Variants in LRRC72 observed in about 807,000 individuals in gnomAD.
The protein encoded by LRRC72 is leucine-rich repeat-containing protein 72.
LRRC72 carries 41 observed loss-of-function variants against 35.8 expected under a neutral mutation model. The observed-to-expected ratio is 1.15, with a 90% CI of 0.89 to 1.49. LRRC72 has a LOEUF of 1.49. Among genes scored for constraint, LRRC72 ranks in the 40% most tolerant of loss-of-function variants. The pLI, the probability that LRRC72 is intolerant of heterozygous loss-of-function variation, is 0.00. For missense variants in LRRC72, 389 were observed against 330.7 expected, an observed-to-expected ratio of 1.18 and a Z score of -1.37; for synonymous variants, 118 against 119.2, an observed-to-expected ratio of 0.99 and a Z score of 0.07.
intron 5 of LRRC72, among the ~76,000 whole-genome samples, chr7:16,559,300 G>A (rs1159546063): frequency 3.3e-5 from 5 of 151,816 alleles, no homozygotes; most frequent in East Asian, 1.9e-4. Context: ...AGGCTGAGGC[G>A]GGAGGATCAC....
chr7:16,563,371 G>T (rs905850824), intron 5 of LRRC72, among the ~76,000 whole-genome samples: 3 of 151,850 alleles, frequency 2.0e-5, no homozygotes, highest in Admixed American at 6.6e-5. Context: ...GAGACATTTT[G>T]ATATATCATT....
intron 1 of LRRC72, among the ~76,000 whole-genome samples, chr7:16,527,578 G>A (rs1008229546): frequency 1.1e-4 from 17 of 151,996 alleles, no homozygotes; most frequent in African/African-American, 3.4e-4. Context: ...AGAGTCGAGA[G>A]CAGTTAAGAT....
At chr7:16,548,698 G>T (rs1214478121) in intron 3 of LRRC72, among the ~76,000 whole-genome samples, 2 of 152,204 alleles carry the variant, frequency 1.3e-5, no homozygotes, top group African/African-American at 4.8e-5. Flanking sequence ...GACAGGCATG[G>T]GATCCAAGCT....
At chr7:16,538,886 C>G (rs893220530) in intron 3 of LRRC72, among the ~76,000 whole-genome samples, 1 of 152,174 alleles carries the variant, frequency 6.6e-6, no homozygotes, top group Non-Finnish European at 1.5e-5. Context: ...TGAGGCCTCC[C>G]CAGCCATGTG....
chr7:16,536,809 T>C (rs1562737924), intron 2 of LRRC72: 1 of 152,192 alleles, frequency 6.6e-6, no homozygotes, highest in Non-Finnish European at 1.5e-5. Context: ...ATAATAAATA[T>C]TGATATTTTT....
chr7:16,576,017 G>GAA (rs1282753227), intron 7 of LRRC72, among the ~76,000 whole-genome samples: 1 of 152,240 alleles, frequency 6.6e-6, no homozygotes, highest in South Asian at 2.1e-4. Flanking sequence ...ATCAGGAGCA[G>GAA]AAAAGATAGG....
chr7:16,542,663 A>C (rs954769040), intron 3 of LRRC72, among the ~76,000 whole-genome samples: 1 of 152,346 alleles, frequency 6.6e-6, no homozygotes, highest in Non-Finnish European at 1.5e-5. Context: ...TCAGATATGC[A>C]TCTATCTCAG....
At chr7:16,570,310 T>C (rs1339068522) in intron 7 of LRRC72, among the ~76,000 whole-genome samples, 2 of 152,196 alleles carry the variant, frequency 1.3e-5, no homozygotes, top group Non-Finnish European at 2.9e-5. Flanking sequence ...TGGAATGCCC[T>C]TGAGACAGGT....
At chr7:16,561,293 C>T (rs1394157351) in intron 5 of LRRC72, among the ~76,000 whole-genome samples, 2 of 152,134 alleles carry the variant, frequency 1.3e-5, no homozygotes, top group African/African-American at 4.8e-5. Context: ...ACTTTAAAAA[C>T]TCTATAATTT....
intron 3 of LRRC72, among the ~76,000 whole-genome samples, chr7:16,550,701 A>G (rs2128336432): frequency 6.6e-6 from 1 of 152,348 alleles, no homozygotes; most frequent in East Asian, 1.9e-4. Flanking sequence ...CTCTTCTAGA[A>G]AATAGCTATT....
chr7:16,549,020 T>C (rs1419180624), intron 3 of LRRC72, among the ~76,000 whole-genome samples: 2 of 152,178 alleles, frequency 1.3e-5, no homozygotes, highest in Non-Finnish European at 2.9e-5. Flanking sequence ...GTCTGGCACA[T>C]AGTAGATGCT....
At chr7:16,572,329 C>A (rs1423623430) in intron 7 of LRRC72, among the ~76,000 whole-genome samples, 1 of 152,112 alleles carries the variant, frequency 6.6e-6, no homozygotes, top group Non-Finnish European at 1.5e-5. Flanking sequence ...ATCCTGATAC[C>A]AAAACCTGGC....
chr7:16,555,482 A>G (rs1782634499), intron 3 of LRRC72, among the ~76,000 whole-genome samples: 1 of 152,202 alleles, frequency 6.6e-6, no homozygotes, highest in African/African-American at 2.4e-5. Flanking sequence ...ACTAATAATA[A>G]TAGTTCCTGG....
intron 3 of LRRC72, among the ~76,000 whole-genome samples, chr7:16,538,561 C>G (rs1016672265): frequency 6.6e-5 from 10 of 152,198 alleles, no homozygotes; most frequent in African/African-American, 1.7e-4. Flanking sequence ...TCCTCAGACT[C>G]ACATATCTTT....
At chr7:16,535,269 A>G (rs532320076) in intron 2 of LRRC72, among the ~76,000 whole-genome samples, 1 of 152,330 alleles carries the variant, frequency 6.6e-6, no homozygotes, top group Admixed American at 6.5e-5. Context: ...AATGGTACAT[A>G]TCAAAGAGAC....
chr7:16,552,232 A>C (rs1327151173), intron 3 of LRRC72, among the ~76,000 whole-genome samples: 2 of 152,226 alleles, frequency 1.3e-5, no homozygotes, highest in Non-Finnish European at 2.9e-5. Flanking sequence ...TTCTCAGATC[A>C]CACATATCTA....
chr7:16,527,779 G>C (rs1181968630), intron 1 of LRRC72, among the ~76,000 whole-genome samples: 1 of 152,170 alleles, frequency 6.6e-6, no homozygotes, highest in Non-Finnish European at 1.5e-5. Flanking sequence ...ACTTGTGCCT[G>C]CGTGTTGCAT....
intron 3 of LRRC72, among the ~76,000 whole-genome samples, chr7:16,540,767 C>T (rs1362573275): frequency 2.6e-5 from 4 of 152,150 alleles, no homozygotes; most frequent in African/African-American, 9.7e-5. Context: ...TCTCACCTGC[C>T]ACCATGTAAG....
intron 3 of LRRC72, among the ~76,000 whole-genome samples, chr7:16,542,543 T>G (rs1367547936): frequency 2.0e-5 from 3 of 152,132 alleles, no homozygotes; most frequent in Non-Finnish European, 2.9e-5. Context: ...AGAGGAGACA[T>G]CGATCAATTT....
Sources: allele counts gnomAD v4.1 joint callset (sites outside exome capture counted in the v4.1 genomes callset), GRCh38; gene constraint gnomAD v4.1.1; transcripts MANE v1.5; gene names NCBI Gene and HGNC (gene_info 2026-07-23, HGNC 2026-07-21).